SLC4A4: variants seen among roughly 807,000 people sequenced by gnomAD.
The protein encoded by SLC4A4 is solute carrier family 4 member 4.
A neutral mutation model predicts 111.5 loss-of-function variants in SLC4A4; 27 were observed. The ratio of observed to expected loss-of-function variants is 0.24; its 90% confidence interval spans 0.18 to 0.33. The LOEUF (loss-of-function observed/expected upper bound fraction) is 0.33, where lower values mean the gene tolerates loss of function less well. Ranked by LOEUF, SLC4A4 falls within the 10% of genes least tolerant of loss-of-function variation. The pLI, the probability that SLC4A4 is intolerant of heterozygous loss-of-function variation, is 1.00. For synonymous variants in SLC4A4, 443 were observed against 463.4 expected, an observed-to-expected ratio of 0.96 and a Z score of 0.57; for missense variants, 909 against 1,315.5, an observed-to-expected ratio of 0.69 and a Z score of 4.78.
chr4:71,236,756 A>G, intron 2 of SLC4A4, 107 bp downstream of exon 2: 2 of 929,926 alleles, frequency 2.2e-6, no homozygotes, highest in Non-Finnish European at 3.4e-6. Context: ...GAAACACCAA[A>G]CCTTTTCTAT....
At chr4:71,257,740 T>A (rs937050691) in intron 3 of SLC4A4, among the ~76,000 whole-genome samples, 2 of 152,166 alleles carry the variant, frequency 1.3e-5, no homozygotes. Context: ...TAGACAAGGT[T>A]CCCACATGTG....
intron 2 of SLC4A4, among the ~76,000 whole-genome samples, chr4:71,099,310 T>G (rs956443213): frequency 2.0e-5 from 3 of 152,140 alleles, no homozygotes. Context: ...CTGAAAACCA[T>G]GCAATTTCAT....
At chr4:71,215,394 TCA>T (rs1234383803) in intron 1 of SLC4A4, among the ~76,000 whole-genome samples, 1 of 152,206 alleles carries the variant, frequency 6.6e-6, no homozygotes, top group Non-Finnish European at 1.5e-5. Context: ...TACTCTACTC[TCA>T]GTTTCACCAT....
chr4:71,309,760 C>G (rs1426804873), intron 3 of SLC4A4, among the ~76,000 whole-genome samples: 1 of 152,048 alleles, frequency 6.6e-6, no homozygotes, highest in African/African-American at 2.4e-5. Context: ...TTCCCAAAAC[C>G]AGAATGCCTC....
intron 5 of SLC4A4, among the ~76,000 whole-genome samples, chr4:71,356,571 G>T (rs1730300257): frequency 6.6e-6 from 1 of 152,116 alleles, no homozygotes; most frequent in Non-Finnish European, 1.5e-5. Context: ...CATCACAGAA[G>T]AATTTGGGAA....
At chr4:71,153,173 T>C (rs1744364595) in intron 2 of SLC4A4, among the ~76,000 whole-genome samples, 1 of 150,872 alleles carries the variant, frequency 6.6e-6, no homozygotes, top group Admixed American at 6.6e-5. Flanking sequence ...GAACCTGGAG[T>C]CTGATGTTTG....
At chr4:71,482,146 A>G (rs1335137730) in intron 14 of SLC4A4, among the ~76,000 whole-genome samples, 1 of 151,710 alleles carries the variant, frequency 6.6e-6, no homozygotes, top group Non-Finnish European at 1.5e-5. Context: ...ATTGGGATTG[A>G]TCATTTTCTT....
chr4:71,071,944 A>C (rs184076132), intron 1 of SLC4A4, among the ~76,000 whole-genome samples: 1 of 152,310 alleles, frequency 6.6e-6, no homozygotes, highest in African/African-American at 2.4e-5. Context: ...TACACTTGAA[A>C]ATTTAATTTT....
chr4:71,252,397 A>G (rs1721129002), intron 2 of SLC4A4, among the ~76,000 whole-genome samples: 1 of 152,318 alleles, frequency 6.6e-6, no homozygotes, highest in Non-Finnish European at 1.5e-5. Flanking sequence ...GAAGTAACTG[A>G]TGGAGCAGAA....
At chr4:71,216,812 G>T (rs975000606) in intron 1 of SLC4A4, among the ~76,000 whole-genome samples, 1 of 152,166 alleles carries the variant, frequency 6.6e-6, no homozygotes, top group Non-Finnish European at 1.5e-5. Flanking sequence ...TTATGAACTT[G>T]TGCCTGTCTG....
At chr4:71,389,423 G>C (rs1353756585) in intron 6 of SLC4A4, among the ~76,000 whole-genome samples, 7 of 152,088 alleles carry the variant, frequency 4.6e-5, no homozygotes, top group African/African-American at 9.7e-5. Flanking sequence ...CTCTACCCCA[G>C]CCTCTCCTTT....
chr4:71,558,232 C>T (rs903463310), intron 22 of SLC4A4, among the ~76,000 whole-genome samples: 29 of 151,962 alleles, frequency 1.9e-4, no homozygotes, highest in African/African-American at 6.8e-4. Context: ...ATAGTAGACA[C>T]CAGTGCATGT....
At chr4:71,139,443 G>C (rs1743941245) in intron 2 of SLC4A4, among the ~76,000 whole-genome samples, 1 of 152,138 alleles carries the variant, frequency 6.6e-6, no homozygotes, top group African/African-American at 2.4e-5. Flanking sequence ...ACCCTGGTGA[G>C]GTTCTATCAG....
intron 2 of SLC4A4, among the ~76,000 whole-genome samples, chr4:71,103,494 A>T (rs1405137492): frequency 6.6e-6 from 1 of 152,162 alleles, no homozygotes; most frequent in African/African-American, 2.4e-5. Context: ...CACCACACCT[A>T]TTCCAAAATT....
intron 13 of SLC4A4, among the ~76,000 whole-genome samples, chr4:71,469,188 G>C (rs1727646497): frequency 6.6e-6 from 1 of 151,760 alleles, no homozygotes. Context: ...CTTTTTACTT[G>C]GGTGAGGAAT....
intron 2 of SLC4A4, among the ~76,000 whole-genome samples, chr4:71,150,134 A>G (rs1460199855): frequency 6.6e-6 from 1 of 152,182 alleles, no homozygotes; most frequent in Non-Finnish European, 1.5e-5. Context: ...AAAATATGTT[A>G]TTAATCTTTG....
At chr4:71,311,895 G>GAGAGAGAGAA (rs1437955838) in intron 3 of SLC4A4, among the ~76,000 whole-genome samples, 1 of 141,744 alleles carries the variant, frequency 7.1e-6, no homozygotes, top group Non-Finnish European at 1.5e-5. Flanking sequence ...GGCTGTGAGA[G>GAGAGAGAGAA]AGAGAGAGAG....
chr4:71,476,901 T>C (rs147764312), intron 14 of SLC4A4, among the ~76,000 whole-genome samples: 3 of 151,870 alleles, frequency 2.0e-5, no homozygotes, highest in African/African-American at 7.2e-5. Flanking sequence ...ATGGGATAGC[T>C]ATTAATTAGT....
At chr4:71,310,115 A>T (rs1249131266) in intron 3 of SLC4A4, among the ~76,000 whole-genome samples, 1 of 151,938 alleles carries the variant, frequency 6.6e-6, no homozygotes, top group African/African-American at 2.4e-5. Flanking sequence ...GAAATAAAGC[A>T]TGAAGACAAG....
Sources: gnomAD v4.1 joint callset for allele counts (sites outside exome capture counted in the v4.1 genomes callset) on GRCh38, gnomAD v4.1.1 for gene constraint, MANE v1.5 for transcripts, NCBI Gene and HGNC (gene_info 2026-07-23, HGNC 2026-07-21) for gene names.